The following PRKD2 variants were observed in gnomAD, a reference collection of about 807,000 sequenced individuals.
PRKD2 encodes serine/threonine-protein kinase D2.
A neutral mutation model predicts 86.0 loss-of-function variants in PRKD2; 22 were observed. The observed-to-expected ratio is 0.26, with a 90% CI of 0.18 to 0.37. The LOEUF is 0.37. Among genes scored for constraint, PRKD2 ranks in the 10% least tolerant of loss-of-function variants. PRKD2 has a pLI of 1.00. For missense variants in PRKD2, 818 were observed against 1,199.2 expected (o/e 0.68, Z 4.70); for synonymous variants, 509 against 510.9 (o/e 1.00, Z 0.05).
At chr19:46,696,082 G>A (rs1342919266) in intron 9 of PRKD2, among the ~76,000 whole-genome samples, 9 of 152,044 alleles carry the variant, frequency 5.9e-5, no homozygotes, top group East Asian at 1.9e-4. Flanking sequence ...CAAGTGATCC[G>A]CCCACCTCGG....
intron 12 of PRKD2, among the ~76,000 whole-genome samples, chr19:46,691,438 GTCAA>G (rs992564751): frequency 2.2e-4 from 34 of 152,112 alleles, no homozygotes; most frequent in African/African-American, 6.5e-4. Flanking sequence ...TAGCTCTGTG[GTCAA>G]TCAGAGTGCA....
intron 16 of PRKD2, among the ~76,000 whole-genome samples, chr19:46,676,424 TCAAAA>T (rs562575000): frequency 7.9e-5 from 12 of 152,108 alleles, no homozygotes; most frequent in Non-Finnish European, 1.2e-4. Context: ...AAACTCCGTC[TCAAAA>T]CAAAACAAAA....
Position 46,714,163 on chromosome 19 carries a change from G to A in PRKD2, c.241-162C>T, listed in dbSNP as rs1599845774. 7.5e-6 allele frequency: 10 copies of A among 1,341,798 alleles called. No homozygotes were observed. In the East Asian group the frequency reaches 2.8e-4, roughly 38 times the overall value. The allele number at this position is 1,341,798 out of a possible 1,614,324, so 83.1% of individuals were successfully genotyped here. Reference sequence around the variant, plus strand: ...CTGCCCCCTCCCAACCCCAGCGCGAGCCGGGCAGGATGCCAGCGCCCCAAT... The same window carrying A: ...CTGCCCCCTCCCAACCCCAGCGCGAACCGGGCAGGATGCCAGCGCCCCAAT... On this transcript the variant is annotated intron_variant, in intron 1 of 17. Coordinates refer to ENST00000291281, the MANE Select transcript of PRKD2 (RefSeq NM_016457.5).
In PRKD2 at chr19:46,691,926, G is replaced by GT; in HGVS notation, c.1629+6dup. 6.2e-7 allele frequency: 1 copy of GT among 1,613,746 alleles called. No individual in the cohort carries two copies. The highest frequency in any genetic ancestry group is 8.5e-7 in the Non-Finnish European group (1 of 1,179,698). On this transcript the variant is annotated splice_region_variant and intron_variant, in intron 11 of 17. Transcript: ENST00000291281. ...GGGAGGGCATCAGGTGGGGGCAGGA[G>GT]TCTCACCACATTCTCTTGGATCTGA...
chr19:46,711,937 G>A (rs921904850), intron 2 of PRKD2, among the ~76,000 whole-genome samples: 3 of 151,332 alleles, frequency 2.0e-5, no homozygotes, highest in South Asian at 4.2e-4. Flanking sequence ...GCCTGGTGCC[G>A]CGTGCCTGTA....
At chr19:46,697,695 T>C (rs754997889) in intron 8 of PRKD2, 38 bp downstream of exon 8, 2 of 1,571,352 alleles carry the variant, frequency 1.3e-6, no homozygotes, top group Non-Finnish European at 8.7e-7. Context: ...TCTTCCAGCC[T>C]TCGCTCCGCC....
At chr19:46,695,137 C>T (rs2053538570) in intron 9 of PRKD2, among the ~76,000 whole-genome samples, 1 of 151,868 alleles carries the variant, frequency 6.6e-6, no homozygotes, top group Non-Finnish European at 1.5e-5. Flanking sequence ...GCAGAGGTTA[C>T]AGTGAGCCAT....
At chr19:46,692,035 T>C in intron 10 of PRKD2, 50 bp from the exon 11 acceptor site, 2 of 1,568,416 alleles carry the variant, frequency 1.3e-6, no homozygotes, top group East Asian at 2.2e-5. Flanking sequence ...CTCAGGATTA[T>C]CTCCACCCAT....
At chr19:46,698,515 C>T (rs1241569891) in intron 7 of PRKD2, among the ~76,000 whole-genome samples, 1 of 152,222 alleles carries the variant, frequency 6.6e-6, no homozygotes, top group Non-Finnish European at 1.5e-5. Context: ...GCCTGGCATA[C>T]AGAGGACCTC....
At chr19:46,684,728 G>T (rs1048721954) in intron 14 of PRKD2, among the ~76,000 whole-genome samples, 2 of 152,154 alleles carry the variant, frequency 1.3e-5, no homozygotes, top group Non-Finnish European at 2.9e-5. Flanking sequence ...ACTTTGGGAG[G>T]CTGAGGCGGG....
chr19:46,708,982 T>TTTTTTTTTTTTTTTTTTTTTTTTG (rs1568736107), intron 3 of PRKD2, among the ~76,000 whole-genome samples: 1 of 140,252 alleles, frequency 7.1e-6, no homozygotes. Flanking sequence ...GTTTTTTTTT[T>TTTTTTTTTTTTTTTTTTTTTTTTG]TTTTTTTTTT....
Position 46,716,285 on chromosome 19 carries a change from T to G in PRKD2, c.86A>C (p.Gln29Pro), listed in dbSNP as rs770253505. The G allele has an allele frequency of 5.1e-6, 8 of 1,578,404 alleles. No individual in the cohort carries two copies. Among genetic ancestry groups the G allele is most frequent in the Non-Finnish European group, 6.0e-6 (7 of 1,163,308 alleles). Residue 29 changes from glutamine (Q) to proline (P), a missense_variant, in exon 1 of 18, where the codon CAG becomes CCG. Coordinates refer to ENST00000291281, the MANE Select transcript of PRKD2 (RefSeq NM_016457.5). This position sits in a 1 kb window ranked among gnomAD's most constrained non-coding sequence, Gnocchi z 7.9. ...SPPPPGGLELQSPPPLLPQIP... is the reference protein window; with the variant it reads ...SPPPPGGLELPSPPPLLPQIP... ...CTGGGGCAGTAGCGGTGGCGGCGAC[T>G]GCAGCTCTAGGCCGCCGGGGGGCGG... is the stretch of plus-strand genomic sequence containing the variant.
rs571667237 is a variant in PRKD2 at position 46,712,497 on chromosome 19, C to T, written c.379+1366G>A. Among the ~76,000 whole-genome samples the T allele has an allele frequency of 1.9e-4, 27 of 144,872 alleles. No homozygotes were observed. The South Asian group carries it at 5.6e-3, about 30-fold the overall frequency. ...CAGAGGTTGCAGCAAGCTGAGTTTG[C>T]GCCACTGCACTCCAGCCTGGGTGAC... On this transcript the variant is annotated intron_variant, in intron 2 of 17. Transcript: ENST00000291281.
At chr19:46,683,169 T>C (rs76454667) in intron 14 of PRKD2, among the ~76,000 whole-genome samples, 1 of 146,656 alleles carries the variant, frequency 6.8e-6, no homozygotes, top group African/African-American at 2.5e-5. Context: ...TTGATTCCTT[T>C]TTTTTTTTTT....
chr19:46,681,076 C>T (rs1182747115), intron 15 of PRKD2, among the ~76,000 whole-genome samples: 1 of 149,968 alleles, frequency 6.7e-6, no homozygotes, highest in East Asian at 1.9e-4. Flanking sequence ...AACTCAGCCT[C>T]CCAAGTAGCT....
chr19:46,716,123 G>T lies in PRKD2; in HGVS notation c.240+8C>A, dbSNP rs554987377. ...CCCGAGCTGGATCCAGGGAGCCTGC[G>T]CCCTCACCTTCTGGTCCACGATGGA... On this transcript the variant is annotated splice_region_variant and intron_variant, in intron 1 of 17. Transcript: ENST00000291281. This position sits in a 1 kb window ranked among gnomAD's most constrained non-coding sequence, Gnocchi z 7.9. 6.2e-7 allele frequency: 1 copy of T among 1,607,896 alleles called. No homozygotes were observed. The highest frequency in any genetic ancestry group is 1.1e-5 in the South Asian group (1 of 90,932).
Position 46,700,912 on chromosome 19 carries a change from G to T in PRKD2, c.1008C>A (p.Asp336Glu). 1 of 1,614,258 alleles carries T rather than the reference G, an allele frequency of 6.2e-7. No homozygotes were observed. Residue 336 changes from aspartate to glutamate, a missense_variant, in exon 7 of 18, where the codon GAC becomes GAA. By Grantham distance (45) the Asp-to-Glu change is conservative. Around this residue, in one of 5 missense-constraint regions of PRKD2, gnomAD observed 403 missense variants for 518.6 expected, o/e 0.78. Transcript: ENST00000291281. ...MEEATDFSEA[D>E]KSALMDESED... ...CTGACTCATCCATGAGGGCGCTCTT[G>T]TCAGCCTCGCTGAAATCGGTGGCCT...
chr19:46,679,201 A>G (rs1173852788), intron 15 of PRKD2, among the ~76,000 whole-genome samples: 1 of 151,924 alleles, frequency 6.6e-6, no homozygotes, highest in Non-Finnish European at 1.5e-5. Flanking sequence ...AAATTAGCAC[A>G]CGCCTGCGGT....
intron 12 of PRKD2, 83 bp from the exon 13 acceptor site, chr19:46,690,789 C>A: frequency 8.0e-7 from 1 of 1,251,770 alleles, no homozygotes; most frequent in Non-Finnish European, 1.2e-6. Context: ...CTGCCAACCT[C>A]TGCCCCCCAC....
Sources: gnomAD v4.1 joint callset for allele counts (sites outside exome capture counted in the v4.1 genomes callset) on GRCh38, gnomAD v4.1.1 for gene constraint, gnomAD v4.1.1 regional missense constraint, Gnocchi (gnomAD v3.1) non-coding constraint, MANE v1.5 for transcripts, NCBI Gene and HGNC (gene_info 2026-07-23, HGNC 2026-07-21) for gene names.